MUC5AC: variants seen among roughly 807,000 people sequenced by gnomAD.
The protein encoded by MUC5AC is mucin 5AC, oligomeric mucus/gel-forming.
In MUC5AC, 158 loss-of-function variants were observed where a neutral mutation model predicts 169.7. The ratio of observed to expected loss-of-function variants is 0.93; its 90% confidence interval spans 0.82 to 1.06. The LOEUF is 1.06. MUC5AC is among the 50% of genes least tolerant of loss of function. The pLI, the probability that MUC5AC is intolerant of heterozygous loss-of-function variation, is 0.00. For missense variants in MUC5AC, 4,359 were observed against 3,089.9 expected, an observed-to-expected ratio of 1.41 and a Z score of -9.74; for synonymous variants, 1,975 against 1,237.0, an observed-to-expected ratio of 1.60 and a Z score of -12.52.
rs1479927331 is a variant in MUC5AC at position 1,194,515 on chromosome 11, C to T, written c.15035C>T (p.Pro5012Leu). The T allele has an allele frequency of 7.9e-6, 6 of 762,420 alleles. No homozygotes were observed. The highest frequency in any genetic ancestry group is 1.2e-5 in the Non-Finnish European group (5 of 416,320). The allele number at this position is 762,420 out of a possible 1,614,324, so 47.2% of individuals were successfully genotyped here. A position where few individuals can be genotyped will look rare whatever the true frequency, so the allele number is the denominator to read the frequency against. ...ATCTTCAACAACAAGGTGGTCAGCC[C>T]CGGCTTCCGGAAAAACGGCATCGTG... ...EIIFNNKVVS[P>L]GFRKNGIVVS... Residue 5012 changes from proline (P) to leucine (L), a missense_variant, in exon 35 of 49, where the codon CCC (proline) becomes CTC (leucine). By Grantham distance (98) the Pro-to-Leu change is moderately conservative. Coordinates refer to ENST00000621226, the MANE Select transcript of MUC5AC (RefSeq NM_001304359.2).
At chr11:1,170,461 C>T (rs1344019475) in intron 15 of MUC5AC, among the ~76,000 whole-genome samples, 32 of 117,926 alleles carry the variant, frequency 2.7e-4, no homozygotes, top group Middle Eastern at 6.7e-3. Context: ...ACCCACTCAC[C>T]GACTCACCCA....
chr11:1,194,725 G>A (rs908275439), intron 35 of MUC5AC, 55 bp downstream of exon 35: 47 of 698,824 alleles, frequency 6.7e-5, no homozygotes, highest in Admixed American at 2.8e-4. Flanking sequence ...CGGGGGTGCC[G>A]GGCAGGGGCG....
At chr11:1,158,151 C>G (rs542689622) in intron 1 of MUC5AC, 79 bp downstream of exon 1, 9 of 1,352,918 alleles carry the variant, frequency 6.7e-6, no homozygotes, top group Non-Finnish European at 9.1e-6. Flanking sequence ...CAGTCTTTGC[C>G]CTGGGTTCCG....
In MUC5AC at chr11:1,185,052, G is replaced by T; in HGVS notation, c.6907G>T (p.Gly2303Cys). ...TSASPASTTS[G>C]PGNTPSPVPT... Reference sequence around the variant, plus strand: ...TGCCTCTCCAGCCAGCACAACCTCTGGTCCTGGAAATACTCCCAGCCCTGT... The same window carrying T: ...TGCCTCTCCAGCCAGCACAACCTCTTGTCCTGGAAATACTCCCAGCCCTGT... The change falls in exon 31 of 49, where the codon GGT becomes TGT. Residue 2303 changes from glycine (G) to cysteine (C), a missense_variant. Gly to Cys is a radical substitution (Grantham distance 159). Transcript: ENST00000621226. The T allele has an allele frequency of 2.8e-6, 2 of 701,964 alleles. No individual in the cohort carries two copies. The highest frequency in any genetic ancestry group is 2.7e-5 in the East Asian group (1 of 37,504). The allele number at this position is 701,964 out of a possible 1,614,324, so 43.5% of individuals were successfully genotyped here.
At chr11:1,174,268 T>C (rs1860620798) in intron 16 of MUC5AC, among the ~76,000 whole-genome samples, 1 of 152,212 alleles carries the variant, frequency 6.6e-6, no homozygotes, top group African/African-American at 2.4e-5. Context: ...AGATGAAGGA[T>C]CTGGTTCTCC....
At chr11:1,181,232 G>A (rs1250685147) in intron 29 of MUC5AC, 39 bp from the exon 30 acceptor site, 10 of 398,344 alleles carry the variant, frequency 2.5e-5, no homozygotes, top group Admixed American at 4.4e-5. Flanking sequence ...CTCTGTCTGC[G>A]CCCAGCCTCT....
At chr11:1,169,390 T>A (rs1409806671) in intron 15 of MUC5AC, among the ~76,000 whole-genome samples, 1 of 132,282 alleles carries the variant, frequency 7.6e-6, no homozygotes, top group Non-Finnish European at 1.6e-5. Flanking sequence ...CCCACCTCAC[T>A]CGCCGACTCA....
At chr11:1,170,594 C>G (rs1473476079) in intron 15 of MUC5AC, among the ~76,000 whole-genome samples, 13 of 145,520 alleles carry the variant, frequency 8.9e-5, no homozygotes, top group Admixed American at 1.4e-4. Context: ...CTCACTCACT[C>G]ACTCACCCAT....
intron 30 of MUC5AC, 53 bp from the exon 31 acceptor site, chr11:1,182,102 C>T (rs938849995): frequency 1.3e-5 from 5 of 385,406 alleles, no homozygotes; most frequent in Admixed American, 9.3e-5. Flanking sequence ...GAGGGGCGGG[C>T]GGCCCCCAAG....
intron 42 of MUC5AC, 85 bp downstream of exon 42, chr11:1,198,089 T>C (rs1861330733): frequency 4.7e-6 from 3 of 642,932 alleles, no homozygotes; most frequent in Admixed American, 2.2e-5. Flanking sequence ...CAGATGCCAG[T>C]GCGGCTTGTC....
intron 1 of MUC5AC, 79 bp downstream of exon 1, chr11:1,158,151 C>A: frequency 1.5e-6 from 2 of 1,353,034 alleles, no homozygotes; most frequent in Non-Finnish European, 2.0e-6. Flanking sequence ...CAGTCTTTGC[C>A]CTGGGTTCCG....
In MUC5AC at chr11:1,175,201, C is replaced by T. The variant is rs1936468385; in HGVS notation, c.2349-17C>T. 8 of 398,634 alleles carry T rather than the reference C, an allele frequency of 2.0e-5. No individual in the cohort carries two copies. The highest frequency in any genetic ancestry group is 3.5e-5 in the Non-Finnish European group (8 of 226,182). The allele number at this position is 398,634 out of a possible 1,614,324, so 24.7% of individuals were successfully genotyped here. On this transcript the variant is annotated splice_polypyrimidine_tract_variant and intron_variant, in intron 18 of 48. Transcript: ENST00000621226. ...CTCCTGGCCCAGGCTGAGGCTCTGACCACCATCTCCTCACAGCACCTGCAC... is the reference window on the plus strand; with the variant it reads ...CTCCTGGCCCAGGCTGAGGCTCTGATCACCATCTCCTCACAGCACCTGCAC...
rs1358245285 is a variant in MUC5AC, at chr11:1,190,366, C to A, written c.12221C>A (p.Ala4074Asp). 3.4e-5 allele frequency: 22 copies of A among 651,912 alleles called. No homozygotes were observed. The highest frequency in any genetic ancestry group is 2.3e-4 in the Admixed American group (10 of 43,216). 40.4% of individuals were successfully genotyped at this position (651,912 alleles called of 1,614,324 possible). A position where few individuals can be genotyped will look rare whatever the true frequency, so the allele number is the denominator to read the frequency against. ...VTAPSTPSGR[A>D]TSPTQSTSSW... The stretch of plus-strand genomic sequence containing the variant: ...GCTCCTAGCACCCCTAGTGGGAGAG[C>A]CACCAGCCCAACTCAGAGCACTTCC... The change falls in exon 31 of 49, where the codon GCC (alanine) becomes GAC (aspartate). Residue 4074 changes from alanine (A) to aspartate (D), a missense_variant. Ala to Asp is a moderately radical substitution (Grantham distance 126). Transcript: ENST00000621226.
chr11:1,188,824 G>A lies in MUC5AC; in HGVS notation c.10679G>A (p.Arg3560Gln), dbSNP rs1214204395. The change falls in exon 31 of 49, where the codon CGA (arginine) becomes CAA (glutamine). Residue 3560 changes from arginine to glutamine, a missense_variant. Transcript: ENST00000621226. ...AGGAGTGGGGAAAAAATCTGCCGCC[G>A]ACCTGAGGAGATCACCAGGCTCCAG... ...IIRSGEKICRRPEEITRLQCR... is the reference protein window; with the variant it reads ...IIRSGEKICRQPEEITRLQCR... The A allele has an allele frequency of 7.9e-6, 6 of 759,924 alleles. No homozygotes were observed. The highest frequency in any genetic ancestry group is 3.4e-5 in the African/African-American group (2 of 59,006). 47.1% of individuals were successfully genotyped at this position (759,924 alleles called of 1,614,324 possible). A position where few individuals can be genotyped will look rare whatever the true frequency, so the allele number is the denominator to read the frequency against.
At chr11:1,163,575 G>C (rs1435397392) in intron 6 of MUC5AC, among the ~76,000 whole-genome samples, 2 of 152,194 alleles carry the variant, frequency 1.3e-5, no homozygotes, top group African/African-American at 4.8e-5. Context: ...GCTCCAGCCA[G>C]CCTGGCAGGA....
Position 1,192,403 on chromosome 11 carries a change from C to T in MUC5AC, c.14258C>T (p.Thr4753Ile), listed in dbSNP as rs777452336. Residue 4753 changes from threonine to isoleucine, a missense_variant, in exon 31 of 49, where the codon ACT becomes ATT. By Grantham distance (89) the Thr-to-Ile change is moderately conservative. Transcript: ENST00000621226. ...AATGCTCTGTATCCTTCCCTGTCTA[C>T]TTCCATGGTATCCGCCTCCGTGGCA... is the stretch of plus-strand genomic sequence containing the variant. ...PTNALYPSLS[T>I]SMVSASVAST... 3.9e-5 allele frequency: 30 copies of T among 765,182 alleles called. No individual in the cohort carries two copies. In the East Asian group the frequency reaches 7.0e-4, roughly 18 times the overall value. 47.4% of individuals were successfully genotyped at this position (765,182 alleles called of 1,614,324 possible).
At chr11:1,194,800 C>T in intron 35 of MUC5AC, 130 bp downstream of exon 35, 1 of 617,344 alleles carries the variant, frequency 1.6e-6, no homozygotes, top group Non-Finnish European at 2.9e-6. Flanking sequence ...GTGCAGGCCA[C>T]AGGCATGAGG....
chr11:1,172,759 T>TGCTC (rs1379024161), intron 16 of MUC5AC, among the ~76,000 whole-genome samples: 4 of 141,314 alleles, frequency 2.8e-5, no homozygotes, highest in Admixed American at 6.9e-5. Context: ...CCCATTCACC[T>TGCTC]ACTCACTCAC....
At chr11:1,200,327 C>T (rs993054234) in intron 48 of MUC5AC, 111 bp from the exon 49 acceptor site, 2 of 602,510 alleles carry the variant, frequency 3.3e-6, no homozygotes, top group East Asian at 5.5e-5. Flanking sequence ...TGGCAGCATG[C>T]CTCCAGGAGC....
Sources: allele counts gnomAD v4.1 joint callset (sites outside exome capture counted in the v4.1 genomes callset), GRCh38; gene constraint gnomAD v4.1.1; transcripts MANE v1.5; gene names NCBI Gene and HGNC (gene_info 2026-07-23, HGNC 2026-07-21).